LOC128462377: variants seen among roughly 807,000 people sequenced by gnomAD.
chr16:89,374,863 GA>G, the LOC128462377 span, among the ~76,000 whole-genome samples: 1 of 152,056 alleles, frequency 6.6e-6, no homozygotes, highest in Non-Finnish European at 1.5e-5. Flanking sequence ...CAAATACACT[GA>G]AAAACTTATT....
At chr16:89,356,194 C>T in the LOC128462377 span, among the ~76,000 whole-genome samples, 1 of 152,168 alleles carries the variant, frequency 6.6e-6, no homozygotes, top group Non-Finnish European at 1.5e-5. Context: ...TTGTTTATAA[C>T]ATTTATAGGT....
the LOC128462377 span, among the ~76,000 whole-genome samples, chr16:89,339,450 C>G: frequency 6.6e-6 from 1 of 151,802 alleles, no homozygotes; most frequent in Non-Finnish European, 1.5e-5. Flanking sequence ...GCCCCATGGT[C>G]CGAGGAGCCC....
At chr16:89,332,757 C>T in the LOC128462377 span, among the ~76,000 whole-genome samples, 1 of 152,232 alleles carries the variant, frequency 6.6e-6, no homozygotes, top group African/African-American at 2.4e-5. Flanking sequence ...CTGCCCTGAC[C>T]TCCCTAGTTT....
chr16:89,327,154 T>C, the LOC128462377 span, among the ~76,000 whole-genome samples: 57,598 of 151,854 alleles, frequency 0.38, 13,092 homozygotes, highest in Non-Finnish European at 0.53. Context: ...CAGCGAAATA[T>C]GTAAGGCTGG....
the LOC128462377 span, among the ~76,000 whole-genome samples, chr16:89,336,872 T>TC: frequency 6.6e-6 from 1 of 152,030 alleles, no homozygotes; most frequent in African/African-American, 2.4e-5. Context: ...ACGCCTGTAA[T>TC]CCCAGCACTC....
chr16:89,370,040 G>T, the LOC128462377 span, among the ~76,000 whole-genome samples: 107 of 152,340 alleles, frequency 7.0e-4, no homozygotes, highest in African/African-American at 2.5e-3. Flanking sequence ...ATCCAGTAAC[G>T]AGAACGCAAA....
the LOC128462377 span, among the ~76,000 whole-genome samples, chr16:89,333,524 G>A: frequency 1.3e-5 from 2 of 152,170 alleles, no homozygotes; most frequent in Non-Finnish European, 2.9e-5. Context: ...ACAACCCTCC[G>A]TCCCTCCCTC....
the LOC128462377 span, among the ~76,000 whole-genome samples, chr16:89,397,022 G>A: frequency 6.6e-6 from 1 of 150,390 alleles, no homozygotes; most frequent in African/African-American, 2.4e-5. Context: ...GAAAATACAG[G>A]ATTTTTTTTT....
the LOC128462377 span, among the ~76,000 whole-genome samples, chr16:89,367,502 G>A: frequency 5.3e-5 from 8 of 152,298 alleles, no homozygotes; most frequent in African/African-American, 1.7e-4. Context: ...CAGCTGCCAT[G>A]GTCACCCACG....
the LOC128462377 span, chr16:89,372,787 A>G: frequency 6.6e-6 from 1 of 152,166 alleles, no homozygotes; most frequent in Admixed American, 6.5e-5. Context: ...GCAAAGTTAA[A>G]CAAATGTTGA....
the LOC128462377 span, chr16:89,321,205 G>A: frequency 6.6e-6 from 1 of 152,326 alleles, no homozygotes; most frequent in Admixed American, 6.5e-5. Context: ...TGATGCAGAA[G>A]TGGTTACACT....
chr16:89,407,151 C>T, the LOC128462377 span, among the ~76,000 whole-genome samples: 1 of 151,776 alleles, frequency 6.6e-6, no homozygotes, highest in Non-Finnish European at 1.5e-5. Context: ...TGCCACTGCA[C>T]TCCAGCCTGG....
At chr16:89,345,639 A>C in the LOC128462377 span, among the ~76,000 whole-genome samples, 2 of 152,268 alleles carry the variant, frequency 1.3e-5, no homozygotes, top group African/African-American at 4.8e-5. Flanking sequence ...AAATGGACTA[A>C]GAAATACAAG....
chr16:89,328,845 G>A, the LOC128462377 span: 5 of 126,694 alleles, frequency 3.9e-5, no homozygotes, highest in African/African-American at 1.6e-4. Flanking sequence ...ATACCCAGGA[G>A]CACGGGCGAA....
the LOC128462377 span, among the ~76,000 whole-genome samples, chr16:89,369,231 A>G: frequency 1.3e-5 from 2 of 151,962 alleles, no homozygotes; most frequent in Non-Finnish European, 2.9e-5. Context: ...GTCTCCAAAC[A>G]AAAGGCAGTG....
the LOC128462377 span, among the ~76,000 whole-genome samples, chr16:89,408,697 C>G: frequency 6.6e-6 from 1 of 152,094 alleles, no homozygotes; most frequent in Non-Finnish European, 1.5e-5. Flanking sequence ...GCTAATACAA[C>G]CACCTCTGGC....
chr16:89,398,282 C>T, the LOC128462377 span, among the ~76,000 whole-genome samples: 71 of 147,142 alleles, frequency 4.8e-4, no homozygotes, highest in African/African-American at 1.7e-3. Context: ...TTACCTGTGA[C>T]CTCAGCACTC....
chr16:89,382,212 G>A, the LOC128462377 span, among the ~76,000 whole-genome samples: 1 of 152,042 alleles, frequency 6.6e-6, no homozygotes, highest in East Asian at 1.9e-4. Context: ...TGGATTTAAG[G>A]CCACTGACCA....
At chr16:89,357,102 G>A in the LOC128462377 span, among the ~76,000 whole-genome samples, 3 of 152,232 alleles carry the variant, frequency 2.0e-5, no homozygotes, top group African/African-American at 7.2e-5. Flanking sequence ...ATGAGGATGA[G>A]TCTGTAGGAG....
Sources: gnomAD v4.1 joint callset for allele counts (sites outside exome capture counted in the v4.1 genomes callset) on GRCh38, gnomAD v4.1.1 for gene constraint, MANE v1.5 for transcripts.